Variants in ATG12 observed in about 807,000 individuals in gnomAD.
ATG12 encodes autophagy related 12, also known as ubiquitin-like protein ATG12.
ATG12 carries 19 observed loss-of-function variants against 17.6 expected under a neutral mutation model. The ratio of observed to expected loss-of-function variants is 1.08; its 90% CI spans 0.75 to 1.58. The LOEUF (loss-of-function observed/expected upper bound fraction) is 1.58, where lower values mean the gene tolerates loss of function less well. Among genes scored for constraint, ATG12 ranks in the 40% most tolerant of loss-of-function variants. ATG12 has a pLI of 0.00. For missense variants in ATG12, 214 were observed against 162.0 expected (o/e 1.32, Z -1.74); for synonymous variants, 75 against 62.4 (o/e 1.20, Z -0.95).
intron 1 of ATG12, chr5:115,841,189 A>G: frequency 1.5e-6 from 1 of 665,102 alleles, no homozygotes; most frequent in Non-Finnish European, 2.5e-6. Context: ...CAGGCCCTAC[A>G]CCGATAGACA....
intron 1 of ATG12, chr5:115,839,347 C>T (rs1038994841): frequency 6.6e-6 from 1 of 151,508 alleles, no homozygotes; most frequent in African/African-American, 2.4e-5. Flanking sequence ...TAAAGAACTA[C>T]TTAATTATCC....
chr5:115,837,924 C>T (rs1431424101), intron 1 of ATG12, 160 bp from the exon 2 acceptor site: 2 of 638,142 alleles, frequency 3.1e-6, no homozygotes, highest in Non-Finnish European at 4.7e-6. Flanking sequence ...GATTCTTTTC[C>T]ATCATTTTTT....
At chr5:115,835,939 T>C (rs1197954361) in intron 2 of ATG12, among the ~76,000 whole-genome samples, 2 of 152,110 alleles carry the variant, frequency 1.3e-5, no homozygotes, top group Non-Finnish European at 2.9e-5. Flanking sequence ...TTTTGCTATC[T>C]AGTTGACTAA....
intron 1 of ATG12, chr5:115,840,821 G>A: frequency 3.2e-6 from 4 of 1,232,242 alleles, no homozygotes; most frequent in Non-Finnish European, 4.2e-6. Flanking sequence ...AACTCACAAA[G>A]GTTCCAAAAT....
chr5:115,840,875 A>G, intron 1 of ATG12: 1 of 1,286,858 alleles, frequency 7.8e-7, no homozygotes, highest in Non-Finnish European at 1.0e-6. Context: ...GCTTTCCCTT[A>G]GCAGTCTTCA....
intron 1 of ATG12, 34 bp downstream of exon 1, chr5:115,841,356 T>A: frequency 6.2e-7 from 1 of 1,608,894 alleles, no homozygotes; most frequent in South Asian, 1.1e-5. Flanking sequence ...AATCTGAACC[T>A]CCCGCCTCTC....
At chr5:115,835,431 T>C (rs1761053796) in intron 2 of ATG12, among the ~76,000 whole-genome samples, 1 of 152,206 alleles carries the variant, frequency 6.6e-6, no homozygotes, top group African/African-American at 2.4e-5. Flanking sequence ...GTTTTTTGTA[T>C]ACTATTCAAA....
Position 115,831,397 on chromosome 5 carries a change from TAA to T in ATG12, c.*405_*406del, listed in dbSNP as rs1760863561. 1 of 185,976 alleles carries T rather than the reference TAA, an allele frequency of 5.4e-6. No homozygotes were observed. Among genetic ancestry groups the T allele is most frequent in the South Asian group, 1.0e-4 (1 of 9,550 alleles). The allele number at this position is 185,976 out of a possible 1,614,324, so 11.5% of individuals were successfully genotyped here. A position where few individuals can be genotyped will look rare whatever the true frequency, so the allele number is the denominator to read the frequency against. On this transcript the variant is annotated 3_prime_UTR_variant, in exon 4 of 4. Transcript: ENST00000509910. ...CAGCAGGTCAATGTGACTAAAAAGG[TAA>T]ACATAGAGATAAATGTAAACATTAA...
At chr5:115,833,482 G>T (rs1760970211) in intron 2 of ATG12, 1 of 152,040 alleles carries the variant, frequency 6.6e-6, no homozygotes, top group Non-Finnish European at 1.5e-5. Context: ...ATATAGTGTG[G>T]TGATTAAGTG....
chr5:115,830,243 T>C lies in ATG12; in HGVS notation c.*1561A>G, dbSNP rs1173398668. 1 of 151,356 alleles carries C rather than the reference T, an allele frequency of 6.6e-6. No individual in the cohort carries two copies. The highest frequency in any genetic ancestry group is 1.5e-5 in the Non-Finnish European group (1 of 67,984). 9.4% of individuals were successfully genotyped at this position (151,356 alleles called of 1,614,324 possible). A position where few individuals can be genotyped will look rare whatever the true frequency, so the allele number is the denominator to read the frequency against. Reference sequence around the variant, plus strand: ...TTAGATTTAATAAACTATTAAGTTATTTAGGTCAAAAAGAATAACTAAATG... The same window carrying C: ...TTAGATTTAATAAACTATTAAGTTACTTAGGTCAAAAAGAATAACTAAATG... On this transcript the variant is annotated 3_prime_UTR_variant, in exon 4 of 4. Coordinates refer to ENST00000509910, the MANE Select transcript of ATG12 (RefSeq NM_004707.4).
intron 3 of ATG12, 26 bp downstream of exon 3, chr5:115,832,571 CTTTTT>C (rs35310189): frequency 0.017 from 13,513 of 791,682 alleles, no homozygotes; most frequent in East Asian, 0.021. Flanking sequence ...TAATTTCTTT[CTTTTT>C]TTTTTTTTTT....
In ATG12 at chr5:115,840,974, G is replaced by A. The variant is rs1042872534; in HGVS notation, c.163+416C>T. 3 of 1,003,920 alleles carry A rather than the reference G, an allele frequency of 3.0e-6. No individual in the cohort carries two copies. In the African/African-American group the frequency reaches 5.0e-5, roughly 17 times the overall value. 62.2% of individuals were successfully genotyped at this position (1,003,920 alleles called of 1,614,324 possible). A position where few individuals can be genotyped will look rare whatever the true frequency, so the allele number is the denominator to read the frequency against. ...AAAGCAAAAGCGAGTTAAGTTGGAA[G>A]GCATGAATTCTAATCCAGGCTTTGC... On this transcript the variant is annotated intron_variant, in intron 1 of 3. Transcript: ENST00000509910.
At chr5:115,840,477 T>C (rs1036506042) in intron 1 of ATG12, 33 of 464,608 alleles carry the variant, frequency 7.1e-5, no homozygotes, top group Non-Finnish European at 9.6e-5. Flanking sequence ...TTTATATTTT[T>C]AGTAGAGATG....
At position 115,831,689 on chromosome 5, in the gene ATG12, C is replaced by A; in HGVS notation, c.*115G>T. ...CTTATGCATAAACATAGAGTAGACA[C>A]ATACTAAATAGATCACATCTGTTAA... On this transcript the variant is annotated 3_prime_UTR_variant, in exon 4 of 4. Coordinates refer to ENST00000509910, the MANE Select transcript of ATG12 (RefSeq NM_004707.4). The A allele has an allele frequency of 2.2e-6, 2 of 920,442 alleles. No individual in the cohort carries two copies. Among genetic ancestry groups the A allele is most frequent in the South Asian group, 1.5e-5 (1 of 68,328 alleles). 57.0% of individuals were successfully genotyped at this position (920,442 alleles called of 1,614,324 possible).
intron 1 of ATG12, chr5:115,840,952 G>A: frequency 8.5e-7 from 1 of 1,180,520 alleles, no homozygotes; most frequent in Non-Finnish European, 1.1e-6. Flanking sequence ...GGGGAAAAAA[G>A]CAAAAGCGAG....
At chr5:115,831,911 T>C in intron 3 of ATG12, 48 bp from the exon 4 acceptor site, 1 of 1,535,156 alleles carries the variant, frequency 6.5e-7, no homozygotes, top group Non-Finnish European at 8.9e-7. Context: ...TTATTATTCT[T>C]AGATGAAACT....
chr5:115,841,307 A>C, intron 1 of ATG12, 83 bp downstream of exon 1: 1 of 1,578,278 alleles, frequency 6.3e-7, no homozygotes, highest in Non-Finnish European at 8.6e-7. Flanking sequence ...GCTCCTCTAA[A>C]TTTTGCTTCT....
In ATG12 at chr5:115,830,756, A is replaced by G. The variant is rs1416651354; in HGVS notation, c.*1048T>C. 7.9e-5 allele frequency: 12 copies of G among 152,086 alleles called. No homozygotes were observed. In the East Asian group the frequency reaches 2.1e-3, roughly 27 times the overall value. The allele number at this position is 152,086 out of a possible 1,614,324, so 9.4% of individuals were successfully genotyped here. A position where few individuals can be genotyped will look rare whatever the true frequency, so the allele number is the denominator to read the frequency against. On this transcript the variant is annotated 3_prime_UTR_variant, in exon 4 of 4. Coordinates refer to ENST00000509910, the MANE Select transcript of ATG12 (RefSeq NM_004707.4). ...GGTCTCAAACTTGTGGCTTCACGCAATCCCCACACCTCAGCCTTCCAAAGT... is the reference window on the plus strand; with the variant it reads ...GGTCTCAAACTTGTGGCTTCACGCAGTCCCCACACCTCAGCCTTCCAAAGT...
At position 115,841,388 on chromosome 5, in the gene ATG12, A is replaced by G. The variant is rs1356570486; in HGVS notation, c.163+2T>C. 1 of 1,610,512 alleles carries G rather than the reference A, an allele frequency of 6.2e-7. No homozygotes were observed. On this transcript the variant is annotated splice_donor_variant, in intron 1 of 3. Coordinates refer to ENST00000509910, the MANE Select transcript of ATG12 (RefSeq NM_004707.4). LOFTEE classifies it high-confidence loss of function. ...TCTCTGCCCGGAAATAAATTCAGTTACTTTTTTTCTTGGTGTCGCCAGCAG... is the reference window on the plus strand; with the variant it reads ...TCTCTGCCCGGAAATAAATTCAGTTGCTTTTTTTCTTGGTGTCGCCAGCAG...
Sources: gnomAD v4.1 joint callset for allele counts (sites outside exome capture counted in the v4.1 genomes callset) on GRCh38, gnomAD v4.1.1 for gene constraint, MANE v1.5 for transcripts, NCBI Gene and HGNC (gene_info 2026-07-23, HGNC 2026-07-21) for gene names.